The following KANSL1L variants were observed in gnomAD, a reference collection of about 807,000 sequenced individuals.
KANSL1L encodes KAT8 regulatory NSL complex subunit 1-like protein.
Under a neutral mutation model 108.6 loss-of-function variants are expected in KANSL1L, and 25 were observed. The ratio of observed to expected loss-of-function variants is 0.23; its 90% CI spans 0.17 to 0.32. The LOEUF is 0.32. Ranked by LOEUF, KANSL1L falls within the 10% of genes least tolerant of loss-of-function variation. The probability of loss-of-function intolerance (pLI) is 1.00; values close to 1 mark genes in which losing one functional copy is unlikely to be tolerated. For synonymous variants in KANSL1L, 405 were observed against 395.1 expected (o/e 1.03, Z -0.30); for missense variants, 1,137 against 1,125.7 (o/e 1.01, Z -0.14).
chr2:210,025,905 T>TA (rs1257712066), intron 12 of KANSL1L, among the ~76,000 whole-genome samples: 1 of 152,228 alleles, frequency 6.6e-6, no homozygotes, highest in Non-Finnish European at 1.5e-5. Flanking sequence ...GAGTTCGTAA[T>TA]ACTTTCCATT....
At chr2:210,056,401 C>T (rs558325919) in intron 6 of KANSL1L, among the ~76,000 whole-genome samples, 2 of 152,340 alleles carry the variant, frequency 1.3e-5, no homozygotes, top group South Asian at 2.1e-4. Context: ...TCACTGATTC[C>T]CTGATGTTGT....
intron 3 of KANSL1L, among the ~76,000 whole-genome samples, chr2:210,116,190 G>C (rs1387211189): frequency 6.6e-6 from 1 of 152,198 alleles, no homozygotes; most frequent in African/African-American, 2.4e-5. Flanking sequence ...GCCATGGGAA[G>C]GGACTGCTCT....
At chr2:210,163,254 T>C (rs915122120) in intron 1 of KANSL1L, among the ~76,000 whole-genome samples, 2 of 152,002 alleles carry the variant, frequency 1.3e-5, no homozygotes, top group African/African-American at 2.4e-5. Context: ...AGGCCTCTAA[T>C]GGAAAAAACA....
At chr2:210,091,754 G>A (rs2094694771) in intron 5 of KANSL1L, among the ~76,000 whole-genome samples, 1 of 151,998 alleles carries the variant, frequency 6.6e-6, no homozygotes, top group African/African-American at 2.4e-5. Context: ...ATGCCCATAT[G>A]GTTACTTACC....
At chr2:210,096,508 A>G (rs1162684119) in intron 5 of KANSL1L, 39 of 984,850 alleles carry the variant, frequency 4.0e-5, no homozygotes, top group Non-Finnish European at 4.6e-5. Flanking sequence ...GAAAATTCAC[A>G]AACACATGAA....
chr2:210,151,219 C>T (rs972319035), intron 2 of KANSL1L, among the ~76,000 whole-genome samples: 3 of 152,030 alleles, frequency 2.0e-5, no homozygotes, highest in African/African-American at 4.8e-5. Flanking sequence ...TGAGGTTTTG[C>T]CATGTTGCCC....
At chr2:210,065,979 T>C (rs1384906507) in intron 6 of KANSL1L, among the ~76,000 whole-genome samples, 2 of 152,162 alleles carry the variant, frequency 1.3e-5, no homozygotes, top group Non-Finnish European at 2.9e-5. Flanking sequence ...GGAAGGAAGG[T>C]GTTCAATGGT....
At chr2:210,030,230 T>TATC (rs2093996172) in intron 9 of KANSL1L, among the ~76,000 whole-genome samples, 1 of 152,052 alleles carries the variant, frequency 6.6e-6, no homozygotes, top group African/African-American at 2.4e-5. Flanking sequence ...CCACCAGAAC[T>TATC]ATCTTAATTT....
At chr2:210,162,550 A>G (rs1337943128) in intron 1 of KANSL1L, among the ~76,000 whole-genome samples, 1 of 152,066 alleles carries the variant, frequency 6.6e-6, no homozygotes, top group Non-Finnish European at 1.5e-5. Flanking sequence ...AAGAATTCAT[A>G]ATTAGAGAGA....
chr2:210,155,085 C>T (rs2095325633), intron 1 of KANSL1L: 2 of 152,006 alleles, frequency 1.3e-5, no homozygotes, highest in African/African-American at 2.4e-5. Flanking sequence ...GTATTAATAA[C>T]AAGAACTAAA....
At chr2:210,088,546 TA>T (rs1317068944) in intron 5 of KANSL1L, 2 of 152,294 alleles carry the variant, frequency 1.3e-5, no homozygotes, top group African/African-American at 4.8e-5. Context: ...GCCTTGATAT[TA>T]TCTTAGGGAA....
Position 210,104,313 on chromosome 2 carries a change from AC to A in KANSL1L, c.1231-13del, listed in dbSNP as rs752213218. On this transcript the variant is annotated splice_polypyrimidine_tract_variant and intron_variant, in intron 3 of 14. Transcript: ENST00000281772. ...AGGACCACTATCCCCTAGACAAAAA[AC>A]AATGAGAAAGTTGAAATGAAAACAA... The A allele has an allele frequency of 6.2e-7, 1 of 1,601,542 alleles. No homozygotes were observed. Among genetic ancestry groups the A allele is most frequent in the African/African-American group, 1.3e-5 (1 of 74,678 alleles).
At chr2:210,030,233 C>G (rs749857710) in intron 9 of KANSL1L, among the ~76,000 whole-genome samples, 1 of 151,916 alleles carries the variant, frequency 6.6e-6, no homozygotes, top group Non-Finnish European at 1.5e-5. Context: ...CCAGAACTAT[C>G]TTAATTTTCT....
At chr2:210,064,838 A>C (rs968447118) in intron 6 of KANSL1L, among the ~76,000 whole-genome samples, 23 of 146,202 alleles carry the variant, frequency 1.6e-4, no homozygotes, top group South Asian at 8.4e-4. Flanking sequence ...AAAAAAAAAA[A>C]CACAGGAAAA....
chr2:210,063,458 G>A (rs1268867667), intron 6 of KANSL1L, among the ~76,000 whole-genome samples: 2 of 152,208 alleles, frequency 1.3e-5, no homozygotes, highest in Admixed American at 6.5e-5. Context: ...CAGACAGCTT[G>A]CACTGTGTGC....
chr2:210,162,033 T>A (rs1277211458), intron 1 of KANSL1L, among the ~76,000 whole-genome samples: 1 of 149,988 alleles, frequency 6.7e-6, no homozygotes, highest in African/African-American at 2.4e-5. Flanking sequence ...GAGACCAGCC[T>A]GCGTAATATG....
chr2:210,154,236 CCATTATA>C lies in KANSL1L; in HGVS notation c.340_346del (p.Tyr114AlafsTer31). On this transcript the variant is annotated frameshift_variant, in exon 2 of 15. Coordinates refer to ENST00000281772, the MANE Select transcript of KANSL1L (RefSeq NM_152519.4). LOFTEE classifies it high-confidence loss of function. ...GATTTTACTGAGCTGAATGTTGCTGCCATTATACAGTATGTTTTTCAGCTTATTGCAA... is the reference window on the plus strand; with the variant it reads ...GATTTTACTGAGCTGAATGTTGCTGCCAGTATGTTTTTCAGCTTATTGCAA... The C allele has an allele frequency of 6.2e-7, 1 of 1,613,946 alleles. No individual in the cohort carries two copies. Among genetic ancestry groups the C allele is most frequent in the African/African-American group, 1.3e-5 (1 of 74,986 alleles).
chr2:210,026,866 G>T (rs962791525), intron 12 of KANSL1L, among the ~76,000 whole-genome samples: 1 of 152,108 alleles, frequency 6.6e-6, no homozygotes, highest in African/African-American at 2.4e-5. Flanking sequence ...CGCCTCCCGG[G>T]TTCACGCTAT....
At chr2:210,089,764 G>A (rs2094674893) in intron 5 of KANSL1L, among the ~76,000 whole-genome samples, 1 of 152,050 alleles carries the variant, frequency 6.6e-6, no homozygotes. Flanking sequence ...TTTTGTATGA[G>A]AATAAAACCC....
Sources: allele counts gnomAD v4.1 joint callset (sites outside exome capture counted in the v4.1 genomes callset), GRCh38; gene constraint gnomAD v4.1.1; transcripts MANE v1.5; gene names NCBI Gene and HGNC (gene_info 2026-07-23, HGNC 2026-07-21).